Variants in AGAP1 observed in about 807,000 individuals in gnomAD.
AGAP1 encodes arf-GAP with GTPase, ANK repeat and PH domain-containing protein 1.
AGAP1 carries 29 observed loss-of-function variants against 105.3 expected under a neutral mutation model. That is an observed-to-expected ratio of 0.28 (90% confidence interval 0.21 to 0.38). The LOEUF is 0.38. AGAP1 is among the 10% of genes least tolerant of loss of function. The probability of loss-of-function intolerance (pLI) is 1.00; values close to 1 mark genes in which losing one functional copy is unlikely to be tolerated. For missense variants in AGAP1, 998 were observed against 1,165.1 expected (o/e 0.86, Z 2.09); for synonymous variants, 509 against 485.9 (o/e 1.05, Z -0.63).
At chr2:235,852,708 C>A (rs1193325654) in intron 9 of AGAP1, 6 of 1,519,200 alleles carry the variant, frequency 3.9e-6, no homozygotes, top group South Asian at 2.5e-5. Context: ...TTTGTCCTTG[C>A]ACTGACAGCC....
At chr2:235,699,958 G>A (rs1277043490) in intron 1 of AGAP1, among the ~76,000 whole-genome samples, 2 of 152,202 alleles carry the variant, frequency 1.3e-5, no homozygotes, top group East Asian at 3.8e-4. Flanking sequence ...GGAACGGCCT[G>A]TTTCTGTAGC....
At chr2:235,763,461 G>GT (rs746957692) in intron 6 of AGAP1, among the ~76,000 whole-genome samples, 7 of 152,124 alleles carry the variant, frequency 4.6e-5, no homozygotes, top group South Asian at 2.1e-4. Flanking sequence ...CATTTGGTTG[G>GT]TTTTTTATCC....
intron 1 of AGAP1, among the ~76,000 whole-genome samples, chr2:235,531,669 G>A (rs760158375): frequency 6.0e-5 from 9 of 150,356 alleles, no homozygotes; most frequent in South Asian, 4.2e-4. Flanking sequence ...GTGCAGTGGC[G>A]CGATCTCGGC....
In AGAP1 at chr2:235,908,838, C is replaced by T. The variant is rs1478103828; in HGVS notation, c.1256C>T (p.Pro419Leu). Residue 419 changes from proline (P) to leucine (L), a missense_variant, in exon 11 of 18, where the codon CCC (proline) becomes CTC (leucine). Physicochemically the swap from Pro to Leu is moderately conservative, Grantham distance 98. Coordinates refer to ENST00000304032, the MANE Select transcript of AGAP1 (RefSeq NM_001037131.3). The surrounding 1 kb of genome is among the most constrained non-coding windows in gnomAD (Gnocchi z 4.4). ...CCCCGAGCCACGTCAGCCTGCGCAC[C>T]CATCTCCAGCCCTAAAACCAATGGC... Reference protein sequence around the residue: ...RPPRATSACAPISSPKTNGLS... With the variant: ...RPPRATSACALISSPKTNGLS... The T allele has an allele frequency of 6.2e-7, 1 of 1,614,098 alleles. No individual in the cohort carries two copies. The highest frequency in any genetic ancestry group is 1.7e-5 in the Admixed American group (1 of 60,014).
rs1047134357 is a variant in AGAP1 at position 236,001,083 on chromosome 2, G to C, written c.1645+32460G>C. Among the ~76,000 whole-genome samples the C allele has an allele frequency of 4.6e-5, 7 of 152,212 alleles. No individual in the cohort carries two copies. The highest frequency in any genetic ancestry group is 1.3e-4 in the Admixed American group (2 of 15,286). ...ATGGCAGATGTCATTAGCTATACAG[G>C]AGGGGAGGGGATGGACCCTCAGAGG... On this transcript the variant is annotated intron_variant, in intron 13 of 17. Coordinates refer to ENST00000304032, the MANE Select transcript of AGAP1 (RefSeq NM_001037131.3). This position sits in a 1 kb window ranked among gnomAD's most constrained non-coding sequence, Gnocchi z 4.7.
chr2:235,590,100 C>T (rs983187266), intron 1 of AGAP1, among the ~76,000 whole-genome samples: 6 of 152,044 alleles, frequency 3.9e-5, no homozygotes, highest in Non-Finnish European at 8.8e-5. Flanking sequence ...AGGCTGGTCT[C>T]GAACTCCTGA....
intron 3 of AGAP1, among the ~76,000 whole-genome samples, chr2:235,735,448 G>A (rs1952193088): frequency 6.6e-6 from 1 of 152,188 alleles, no homozygotes; most frequent in African/African-American, 2.4e-5. Context: ...CCTCGCGTGA[G>A]TGCAGAAACT....
At chr2:235,846,501 T>G (rs60144952) in intron 9 of AGAP1, among the ~76,000 whole-genome samples, 28 of 42,232 alleles carry the variant, frequency 6.6e-4, no homozygotes, top group East Asian at 8.5e-3. Context: ...TAATTTTTGG[T>G]TTTTTTTTTA....
At chr2:235,605,516 G>A (rs751699514) in intron 1 of AGAP1, among the ~76,000 whole-genome samples, 4 of 152,158 alleles carry the variant, frequency 2.6e-5, no homozygotes, top group Non-Finnish European at 4.4e-5. Flanking sequence ...TTTGTATCCC[G>A]GCATCATTTA....
At position 235,834,138 on chromosome 2, in the gene AGAP1, G is replaced by C. The variant is rs181558258; in HGVS notation, c.1050+26807G>C. Among the ~76,000 whole-genome samples, 8 of 152,282 alleles carry C rather than the reference G, an allele frequency of 5.3e-5. No individual in the cohort carries two copies. The East Asian group carries it at 1.5e-3, about 29-fold the overall frequency. ...GCCCGGTTGGAACAGCTGATGGTTA[G>C]TTCTCAGCGTGATCACCGTGGTCAG... On this transcript the variant is annotated intron_variant, in intron 9 of 17. Transcript: ENST00000304032.
intron 12 of AGAP1, among the ~76,000 whole-genome samples, chr2:235,950,887 C>CTT (rs200110792): frequency 0.018 from 2,172 of 117,640 alleles, 239 homozygotes; most frequent in East Asian, 0.034. Context: ...TCTCCAAGCA[C>CTT]TTTTTTTTTT....
chr2:236,087,309 G>A lies in AGAP1; in HGVS notation c.2115-32883G>A, dbSNP rs1018775408. Among the ~76,000 whole-genome samples the A allele has an allele frequency of 1.3e-5, 2 of 152,078 alleles. No individual in the cohort carries two copies. Among genetic ancestry groups the A allele is most frequent in the Non-Finnish European group, 2.9e-5 (2 of 68,006 alleles). ...TGGGAATGAGAGGAAGCCAGAGCCC[G>A]GGGTGGGGGCGGGAGCGGGGGCTAG... On this transcript the variant is annotated intron_variant, in intron 16 of 17. Coordinates refer to ENST00000304032, the MANE Select transcript of AGAP1 (RefSeq NM_001037131.3). The surrounding 1 kb of genome is among the most constrained non-coding windows in gnomAD (Gnocchi z 5.7).
rs902080621 is a variant in AGAP1 at position 235,557,552 on chromosome 2, A to G, written c.163+62703A>G. On this transcript the variant is annotated intron_variant, in intron 1 of 17. Transcript: ENST00000304032. This position sits in a 1 kb window ranked among gnomAD's most constrained non-coding sequence, Gnocchi z 4.7. ...ATGAGAAACGATGATGTCAGTGAAC[A>G]TTTATTGGCCTTTTTTTCTGTGCCA... is the stretch of plus-strand genomic sequence containing the variant. 2.6e-5 allele frequency among the ~76,000 whole-genome samples: 4 copies of G among 152,202 alleles called. No individual in the cohort carries two copies. The highest frequency in any genetic ancestry group is 9.7e-5 in the African/African-American group (4 of 41,450).
chr2:236,102,341 C>A (rs930626364), intron 16 of AGAP1, among the ~76,000 whole-genome samples: 4 of 151,068 alleles, frequency 2.6e-5, no homozygotes, highest in African/African-American at 9.8e-5. Flanking sequence ...TGGCGTGAAC[C>A]CGGGAGGCAG....
intron 13 of AGAP1, among the ~76,000 whole-genome samples, chr2:235,987,686 C>G (rs2055380486): frequency 6.6e-6 from 1 of 152,204 alleles, no homozygotes; most frequent in South Asian, 2.1e-4. Context: ...AGCGGTATCC[C>G]AGAGATTCTG....
rs1021312822 is a variant in AGAP1 at position 235,577,370 on chromosome 2, G to T, written c.163+82521G>T. Among the ~76,000 whole-genome samples, 1 of 152,278 alleles carries T rather than the reference G, an allele frequency of 6.6e-6. No homozygotes were observed. The highest frequency in any genetic ancestry group is 1.9e-4 in the East Asian group (1 of 5,174). On this transcript the variant is annotated intron_variant, in intron 1 of 17. Transcript: ENST00000304032. This position sits in a 1 kb window ranked among gnomAD's most constrained non-coding sequence, Gnocchi z 4.5. ...ATTTTAGTGCTCAGTAGCACCTGTG[G>T]CTGGAGCTACTGTATTGGGCACCAC...
At chr2:236,019,563 A>G (rs1576078355) in intron 13 of AGAP1, among the ~76,000 whole-genome samples, 1 of 152,168 alleles carries the variant, frequency 6.6e-6, no homozygotes, top group African/African-American at 2.4e-5. Flanking sequence ...AGCCTGGGAG[A>G]AGGGCAGGCA....
intron 12 of AGAP1, among the ~76,000 whole-genome samples, chr2:235,943,425 C>T (rs931625402): frequency 1.4e-5 from 2 of 141,934 alleles, no homozygotes; most frequent in Admixed American, 7.4e-5. Context: ...TGCAGTGGCA[C>T]GATCTTGGCT....
At position 235,988,467 on chromosome 2, in the gene AGAP1, G is replaced by A. The variant is rs554856702; in HGVS notation, c.1645+19844G>A. 5.7e-4 allele frequency among the ~76,000 whole-genome samples: 87 copies of A among 151,422 alleles called. No individual in the cohort carries two copies. Among genetic ancestry groups the A allele is most frequent in the Non-Finnish European group, 6.6e-4 (45 of 67,886 alleles). On this transcript the variant is annotated intron_variant, in intron 13 of 17. Transcript: ENST00000304032. The surrounding 1 kb of genome is among the most constrained non-coding windows in gnomAD (Gnocchi z 4.7). ...TCCTTAAATGCCACCCCCAACCCCC[G>A]CCCCGAAGTCAGGAAGTGATTTCTG...
Sources: allele counts gnomAD v4.1 joint callset (sites outside exome capture counted in the v4.1 genomes callset), GRCh38; gene constraint gnomAD v4.1.1; non-coding constraint Gnocchi (gnomAD v3.1); transcripts MANE v1.5; gene names NCBI Gene and HGNC (gene_info 2026-07-23, HGNC 2026-07-21).